FRY: variants seen among roughly 807,000 people sequenced by gnomAD.
FRY encodes the protein FRY microtubule binding protein.
Under a neutral mutation model 348.4 loss-of-function variants are expected in FRY, and 128 were observed. The observed-to-expected ratio is 0.37, with a 90% confidence interval of 0.32 to 0.43. The LOEUF (loss-of-function observed/expected upper bound fraction) is 0.43. Among genes scored for constraint, FRY ranks in the 20% least tolerant of loss-of-function variants. FRY has a pLI of 1.00. For synonymous variants in FRY, 1,370 were observed against 1,374.7 expected (o/e 1.00, Z 0.08); for missense variants, 2,736 against 3,695.2 (o/e 0.74, Z 6.73).
intron 2 of FRY, among the ~76,000 whole-genome samples, chr13:32,098,108 G>A (rs77828482): frequency 0.023 from 3,492 of 152,050 alleles, 174 homozygotes; most frequent in African/African-American, 0.08. Context: ...CAAGCCTGAG[G>A]TTTCATCAAG....
At chr13:32,241,917 G>A (rs927552653) in intron 46 of FRY, among the ~76,000 whole-genome samples, 4 of 151,992 alleles carry the variant, frequency 2.6e-5, no homozygotes, top group Admixed American at 6.6e-5. Context: ...ATTCTTTCAG[G>A]TCTTGGCTAT....
intron 1 of FRY, among the ~76,000 whole-genome samples, chr13:32,054,206 C>A (rs1873495688): frequency 6.7e-6 from 1 of 148,862 alleles, no homozygotes; most frequent in African/African-American, 2.4e-5. Flanking sequence ...CTTGAACACA[C>A]CCTTTTTTTT....
chr13:32,289,947 G>A (rs1343854071), intron 59 of FRY, among the ~76,000 whole-genome samples: 1 of 152,194 alleles, frequency 6.6e-6, no homozygotes, highest in East Asian at 1.9e-4. Flanking sequence ...TATGGAAAGT[G>A]AGGTGCCTCA....
intron 17 of FRY, among the ~76,000 whole-genome samples, chr13:32,162,945 T>C (rs192733367): frequency 4.4e-4 from 67 of 152,314 alleles, no homozygotes; most frequent in African/African-American, 1.6e-3. Context: ...GGGGAAGACC[T>C]GTGGAGGAAC....
At chr13:32,121,789 C>T (rs1347220104) in intron 4 of FRY, among the ~76,000 whole-genome samples, 1 of 152,148 alleles carries the variant, frequency 6.6e-6, no homozygotes, top group Non-Finnish European at 1.5e-5. Context: ...TTAATTAGGT[C>T]CCAGCTATTT....
chr13:32,099,185 A>G (rs1199759819), intron 2 of FRY, among the ~76,000 whole-genome samples: 2 of 152,026 alleles, frequency 1.3e-5, no homozygotes, highest in Non-Finnish European at 2.9e-5. Flanking sequence ...ATTTTTTGAT[A>G]TATAACTTTT....
In FRY at chr13:32,237,215, G is replaced by A. The variant is rs1265375419; in HGVS notation, c.5811-164G>A. Among the ~76,000 whole-genome samples the A allele has an allele frequency of 6.6e-6, 1 of 151,810 alleles. No individual in the cohort carries two copies. The highest frequency in any genetic ancestry group is 1.5e-5 in the Non-Finnish European group (1 of 67,950). Reference sequence around the variant, plus strand: ...TGTTTTGTTGATGAGGGTTTCTCTTGTTTTGTTTTTTATAGCTTTAAAGAT... The same window carrying A: ...TGTTTTGTTGATGAGGGTTTCTCTTATTTTGTTTTTTATAGCTTTAAAGAT... On this transcript the variant is annotated intron_variant, in intron 43 of 60. Transcript: ENST00000542859. This position sits in a 1 kb window ranked among gnomAD's most constrained non-coding sequence, Gnocchi z 6.3.
At chr13:32,227,160 A>G (rs889283998) in intron 39 of FRY, among the ~76,000 whole-genome samples, 2 of 152,240 alleles carry the variant, frequency 1.3e-5, no homozygotes, top group Non-Finnish European at 2.9e-5. Context: ...ATTCATAGGC[A>G]AGACAAACAG....
At chr13:32,190,618 C>G (rs1883284843) in intron 28 of FRY, among the ~76,000 whole-genome samples, 1 of 152,012 alleles carries the variant, frequency 6.6e-6, no homozygotes, top group Non-Finnish European at 1.5e-5. Context: ...AGGAATAAAC[C>G]TAACAAAAAT....
chr13:32,104,944 G>A (rs1474870677), intron 3 of FRY, among the ~76,000 whole-genome samples: 2 of 152,178 alleles, frequency 1.3e-5, no homozygotes, highest in Non-Finnish European at 2.9e-5. Flanking sequence ...AGAACCGTGA[G>A]CCAATTAAAC....
In FRY at chr13:32,173,438, A is replaced by G; in HGVS notation, c.2223A>G (p.Val741=). ...RGPHCSVLHA[V]EGFALVLLCS... is the part of the protein sequence containing the mutation. ...CCCACTGCAGTGTACTCCACGCTGT[A>G]GAAGGTTTTGCTCTGGTTTTACTCT... The change falls in exon 19 of 61, where the codon GTA becomes GTG. Residue 741 remains valine (V), a synonymous_variant. Transcript: ENST00000542859. 3.1e-6 allele frequency: 5 copies of G among 1,612,926 alleles called. No homozygotes were observed. The highest frequency in any genetic ancestry group is 2.5e-6 in the Non-Finnish European group (3 of 1,179,774).
In FRY at chr13:32,109,653, C is replaced by T. The variant is rs192872992; in HGVS notation, c.324+7637C>T. 5.5e-4 allele frequency among the ~76,000 whole-genome samples: 84 copies of T among 152,134 alleles called. No homozygotes were observed. The Middle Eastern group carries it at 0.01, about 19-fold the overall frequency. ...GCCCATTGCAGTGGGTAGTAGGAGCCGTGCTGAGGGGTCTAGATTATTTTC... is the reference window on the plus strand; with the variant it reads ...GCCCATTGCAGTGGGTAGTAGGAGCTGTGCTGAGGGGTCTAGATTATTTTC... On this transcript the variant is annotated intron_variant, in intron 3 of 60. Transcript: ENST00000542859.
Position 32,180,976 on chromosome 13 carries a change from C to T in FRY, c.2996+1177C>T, listed in dbSNP as rs201337716. Among the ~76,000 whole-genome samples, 30 of 152,012 alleles carry T rather than the reference C, an allele frequency of 2.0e-4. No homozygotes were observed. The East Asian group carries it at 5.1e-3, about 26-fold the overall frequency. On this transcript the variant is annotated intron_variant, in intron 23 of 60. Transcript: ENST00000542859. Reference sequence around the variant, plus strand: ...CGTGATCTTGGCTCACTGCAACCTCCGCCTTCCAGGTTCAAGCAATTCTCC... The same window carrying T: ...CGTGATCTTGGCTCACTGCAACCTCTGCCTTCCAGGTTCAAGCAATTCTCC...
At chr13:32,290,477 G>GC (rs941544063) in intron 59 of FRY, among the ~76,000 whole-genome samples, 4 of 152,020 alleles carry the variant, frequency 2.6e-5, no homozygotes, top group African/African-American at 9.7e-5. Context: ...AAAGAGCATG[G>GC]CCATAAGCCT....
chr13:32,150,003 G>A (rs534531722), intron 14 of FRY, among the ~76,000 whole-genome samples, 169 bp downstream of exon 14: 2 of 152,246 alleles, frequency 1.3e-5, no homozygotes, highest in Admixed American at 1.3e-4. Flanking sequence ...GTAAAATTTT[G>A]GATGAATAGA....
At chr13:32,218,175 T>C (rs769050408) in intron 35 of FRY, among the ~76,000 whole-genome samples, 4 of 152,220 alleles carry the variant, frequency 2.6e-5, no homozygotes, top group Non-Finnish European at 5.9e-5. Flanking sequence ...CCAAAGCAAA[T>C]GTTACCATTT....
At position 32,136,881 on chromosome 13, in the gene FRY, C is replaced by G. The variant is rs1879757647; in HGVS notation, c.1088C>G (p.Pro363Arg). The change falls in exon 11 of 61, where the codon CCC (proline) becomes CGC (arginine). Residue 363 changes from proline (P) to arginine (R), a missense_variant. Coordinates refer to ENST00000542859, the MANE Select transcript of FRY (RefSeq NM_023037.3). The part of the protein sequence containing the change: ...SRKKHSLALY[P>R]LVTCLLCVSQ... The stretch of plus-strand genomic sequence containing the variant: ...CTCCTTTCTCCTCAGGCCTTGTACC[C>G]CCTGGTGACCTGTTTGCTCTGTGTC... The G allele has an allele frequency of 6.3e-7, 1 of 1,591,782 alleles. No individual in the cohort carries two copies. The highest frequency in any genetic ancestry group is 1.3e-5 in the African/African-American group (1 of 74,434).
chr13:32,252,252 G>A (rs748503674), intron 50 of FRY, among the ~76,000 whole-genome samples: 18 of 151,708 alleles, frequency 1.2e-4, no homozygotes, highest in African/African-American at 2.2e-4. Context: ...GTCTTACAAC[G>A]TAAATGATAA....
intron 11 of FRY, among the ~76,000 whole-genome samples, chr13:32,145,083 G>C (rs1281492770): frequency 2.0e-5 from 3 of 152,204 alleles, no homozygotes; most frequent in East Asian, 3.8e-4. Flanking sequence ...CATGGAAATA[G>C]AATGAACGTG....
Sources: allele counts gnomAD v4.1 joint callset (sites outside exome capture counted in the v4.1 genomes callset), GRCh38; gene constraint gnomAD v4.1.1; non-coding constraint Gnocchi (gnomAD v3.1); transcripts MANE v1.5; gene names NCBI Gene and HGNC (gene_info 2026-07-23, HGNC 2026-07-21).